The following DRD2 variants were observed in gnomAD, a reference collection of about 807,000 sequenced individuals.
DRD2 encodes the protein dopamine receptor D2.
Under a neutral mutation model 38.0 loss-of-function variants are expected in DRD2, and 8 were observed. The ratio of observed to expected loss-of-function variants is 0.21; its 90% CI spans 0.12 to 0.38. The LOEUF (loss-of-function observed/expected upper bound fraction) is 0.38, where lower values mean the gene tolerates loss of function less well. Ranked by LOEUF, DRD2 falls within the 10% of genes least tolerant of loss-of-function variation. The pLI, the probability that DRD2 is intolerant of heterozygous loss-of-function variation, is 1.00. For synonymous variants in DRD2, 230 were observed against 238.6 expected (o/e 0.96, Z 0.33); for missense variants, 403 against 607.7 (o/e 0.66, Z 3.54).
At chr11:113,448,252 C>A (rs1304042790) in intron 1 of DRD2, among the ~76,000 whole-genome samples, 2 of 152,150 alleles carry the variant, frequency 1.3e-5, no homozygotes, top group Non-Finnish European at 2.9e-5. Flanking sequence ...AGTAGAGCAC[C>A]CAAGCCCAGA....
chr11:113,462,479 C>T (rs771396226), intron 1 of DRD2, among the ~76,000 whole-genome samples: 5 of 152,120 alleles, frequency 3.3e-5, no homozygotes, highest in African/African-American at 4.8e-5. Flanking sequence ...GGGGGAGAGA[C>T]AATCATGTGA....
At chr11:113,451,078 G>A (rs1202548019) in intron 1 of DRD2, among the ~76,000 whole-genome samples, 1 of 152,154 alleles carries the variant, frequency 6.6e-6, no homozygotes, top group Non-Finnish European at 1.5e-5. Flanking sequence ...AACCCACCCT[G>A]TAGTTACCTC....
At chr11:113,419,178 C>T (rs1950856929) in intron 2 of DRD2, among the ~76,000 whole-genome samples, 1 of 152,176 alleles carries the variant, frequency 6.6e-6, no homozygotes, top group Non-Finnish European at 1.5e-5. Context: ...CAGTGGTTGG[C>T]CCAGTACATG....
chr11:113,414,168 G>C (rs1040388855), intron 6 of DRD2: 4 of 645,850 alleles, frequency 6.2e-6, no homozygotes, highest in Non-Finnish European at 1.1e-5. Context: ...CCATTTTCTC[G>C]TACACATCCA....
chr11:113,470,413 C>A lies in DRD2; in HGVS notation c.-32+4663G>T, dbSNP rs1951412787. On this transcript the variant is annotated intron_variant, in intron 1 of 7. Transcript: ENST00000362072. ...TTCCTGGAAGGCAGGACTGCCCAGG[C>A]TAACTGCAGGCCTATTGATGGAGCT... 2.0e-5 allele frequency among the ~76,000 whole-genome samples: 3 copies of A among 152,164 alleles called. No individual in the cohort carries two copies. The South Asian group carries it at 6.2e-4, about 32-fold the overall frequency.
intron 1 of DRD2, among the ~76,000 whole-genome samples, chr11:113,443,567 C>T (rs561196218): frequency 3.3e-5 from 5 of 152,310 alleles, no homozygotes; most frequent in South Asian, 4.1e-4. Context: ...GGATGTGCAC[C>T]GCACACCATA....
chr11:113,434,270 G>A (rs1024562550), intron 1 of DRD2, among the ~76,000 whole-genome samples: 4 of 152,166 alleles, frequency 2.6e-5, no homozygotes, highest in South Asian at 2.1e-4. Context: ...GTCTCTCCTG[G>A]TCTTCTCCCT....
chr11:113,439,413 TGAGA>T (rs2119847717), intron 1 of DRD2, among the ~76,000 whole-genome samples: 1 of 152,294 alleles, frequency 6.6e-6, no homozygotes, highest in African/African-American at 2.4e-5. Context: ...GCACAGTCTC[TGAGA>T]GAGAGAAGGC....
intron 1 of DRD2, among the ~76,000 whole-genome samples, chr11:113,467,997 A>G (rs1180642188): frequency 1.3e-5 from 2 of 152,264 alleles, no homozygotes; most frequent in Non-Finnish European, 2.9e-5. Context: ...TTACTGCAAA[A>G]GGACAACAGC....
chr11:113,461,799 A>G (rs1159860442), intron 1 of DRD2, among the ~76,000 whole-genome samples: 14 of 152,210 alleles, frequency 9.2e-5, no homozygotes, highest in Non-Finnish European at 1.8e-4. Context: ...CCTTATGACT[A>G]TATAAAGCAC....
intron 3 of DRD2, 59 bp from the exon 4 acceptor site, chr11:113,417,058 A>G (rs984750104): frequency 2.5e-6 from 4 of 1,595,392 alleles, no homozygotes; most frequent in Non-Finnish European, 3.4e-6. Context: ...TCACTCCACA[A>G]TATGCACACA....
Position 113,424,406 on chromosome 11 carries a change from G to C in DRD2, c.246C>G (p.Leu82=). Residue 82 remains leucine, a synonymous_variant, in exon 2 of 8, where the codon CTC becomes CTG. Coordinates refer to ENST00000362072, the MANE Select transcript of DRD2 (RefSeq NM_000795.4). ...LIVSLAVADL[L]VATLVMPWVV... is the part of the protein sequence containing the mutation. Reference sequence around the variant, plus strand: ...CCCAGGGCATGACCAGTGTGGCGACGAGGAGGTCGGCCACTGCGAGGCTGA... The same window carrying C: ...CCCAGGGCATGACCAGTGTGGCGACCAGGAGGTCGGCCACTGCGAGGCTGA... 4 of 1,614,152 alleles carry C rather than the reference G, an allele frequency of 2.5e-6. No individual in the cohort carries two copies. The highest frequency in any genetic ancestry group is 1.1e-5 in the South Asian group (1 of 91,080).
intron 1 of DRD2, among the ~76,000 whole-genome samples, chr11:113,471,674 T>C (rs1951427764): frequency 6.6e-6 from 1 of 152,196 alleles, no homozygotes; most frequent in Non-Finnish European, 1.5e-5. Flanking sequence ...AGTCCTGGTG[T>C]TCAGAAACTG....
chr11:113,453,933 G>T (rs965959238), intron 1 of DRD2, among the ~76,000 whole-genome samples: 4 of 152,170 alleles, frequency 2.6e-5, no homozygotes, highest in Non-Finnish European at 5.9e-5. Flanking sequence ...TCCTTTTGAT[G>T]GGGGGCTGGG....
intron 1 of DRD2, among the ~76,000 whole-genome samples, chr11:113,459,502 C>G (rs1591301033): frequency 6.6e-6 from 1 of 152,228 alleles, no homozygotes; most frequent in Non-Finnish European, 1.5e-5. Flanking sequence ...AGACTAGAAC[C>G]TAAGACTCCT....
chr11:113,467,019 G>T (rs927960696), intron 1 of DRD2, among the ~76,000 whole-genome samples: 13 of 152,294 alleles, frequency 8.5e-5, no homozygotes, highest in African/African-American at 3.1e-4. Flanking sequence ...GAAAAATAGT[G>T]TGTGGAAACA....
intron 1 of DRD2, among the ~76,000 whole-genome samples, chr11:113,445,616 C>G (rs573516407): frequency 6.6e-6 from 1 of 152,332 alleles, no homozygotes; most frequent in African/African-American, 2.4e-5. Context: ...TATCAAGTAT[C>G]TGTCCCACAT....
intron 1 of DRD2, among the ~76,000 whole-genome samples, chr11:113,454,592 G>A (rs921799978): frequency 6.6e-6 from 1 of 152,136 alleles, no homozygotes; most frequent in Admixed American, 6.6e-5. Flanking sequence ...CTGAAGGGCA[G>A]AACAGAAAAG....
chr11:113,451,671 G>T (rs1055305956), intron 1 of DRD2, among the ~76,000 whole-genome samples: 9 of 151,948 alleles, frequency 5.9e-5, no homozygotes, highest in African/African-American at 2.2e-4. Flanking sequence ...TGTATTTTTA[G>T]TAGAGATGGG....
Sources: allele counts gnomAD v4.1 joint callset (sites outside exome capture counted in the v4.1 genomes callset), GRCh38; gene constraint gnomAD v4.1.1; transcripts MANE v1.5; gene names NCBI Gene and HGNC (gene_info 2026-07-23, HGNC 2026-07-21).